The following CPNE2 variants were observed in gnomAD, a reference collection of about 807,000 sequenced individuals.
CPNE2 encodes the protein copine-2.
CPNE2 carries 42 observed loss-of-function variants against 69.7 expected under a neutral mutation model. That is an observed-to-expected ratio of 0.60 (90% CI 0.47 to 0.78). The LOEUF (loss-of-function observed/expected upper bound fraction) is 0.78. CPNE2 is among the 30% of genes least tolerant of loss of function. The pLI, the probability that CPNE2 is intolerant of heterozygous loss-of-function variation, is 0.00. For synonymous variants in CPNE2, 294 were observed against 289.8 expected (o/e 1.01, Z -0.15); for missense variants, 587 against 732.0 (o/e 0.80, Z 2.29).
rs916210289 is a variant in CPNE2, at chr16:57,146,625, A to C, written c.1539+304A>C. Reference sequence around the variant, plus strand: ...CTGCCCTCTAGTGGGGTCTGATGAGAGGCTGGGGCTATCCATGTGGTGTAA... The same window carrying C: ...CTGCCCTCTAGTGGGGTCTGATGAGCGGCTGGGGCTATCCATGTGGTGTAA... On this transcript the variant is annotated intron_variant, in intron 15 of 15. Transcript: ENST00000290776. This position sits in a 1 kb window ranked among gnomAD's most constrained non-coding sequence, Gnocchi z 4.4. The C allele has an allele frequency of 3.2e-5, 12 of 370,650 alleles. No homozygotes were observed. Among genetic ancestry groups the C allele is most frequent in the Admixed American group, 2.2e-4 (5 of 22,668 alleles). 23.0% of individuals were successfully genotyped at this position (370,650 alleles called of 1,614,324 possible).
chr16:57,111,835 G>A (rs567974159), intron 2 of CPNE2, among the ~76,000 whole-genome samples: 1 of 152,372 alleles, frequency 6.6e-6, no homozygotes, highest in South Asian at 2.1e-4. Flanking sequence ...GAGGAAGGAT[G>A]TTGAGAAACC....
At chr16:57,102,620 G>C (rs1411608190) in intron 1 of CPNE2, among the ~76,000 whole-genome samples, 1 of 128,330 alleles carries the variant, frequency 7.8e-6, no homozygotes, top group African/African-American at 2.9e-5. Context: ...TTTTTTTTTT[G>C]AGAGAGGGTC....
intron 2 of CPNE2, among the ~76,000 whole-genome samples, chr16:57,112,586 G>A (rs2069688614): frequency 6.6e-6 from 1 of 152,162 alleles, no homozygotes; most frequent in Non-Finnish European, 1.5e-5. Flanking sequence ...CAGACTCCGC[G>A]GTTTGGGGCC....
In CPNE2 at chr16:57,146,022, G is replaced by T; in HGVS notation, c.1303-63G>T. The T allele has an allele frequency of 7.3e-7, 1 of 1,373,232 alleles. No homozygotes were observed. The highest frequency in any genetic ancestry group is 1.2e-5 in the South Asian group (1 of 81,140). The allele number at this position is 1,373,232 out of a possible 1,614,324, so 85.1% of individuals were successfully genotyped here. A position where few individuals can be genotyped will look rare whatever the true frequency, so the allele number is the denominator to read the frequency against. On this transcript the variant is annotated intron_variant, in intron 14 of 15. Transcript: ENST00000290776. The surrounding 1 kb of genome is among the most constrained non-coding windows in gnomAD (Gnocchi z 4.4). ...ACTCGGAGGGTTTGGGATGAAGGAGGGAGGGAGAAGGGGTGCCAGAGCCTC... is the reference window on the plus strand; with the variant it reads ...ACTCGGAGGGTTTGGGATGAAGGAGTGAGGGAGAAGGGGTGCCAGAGCCTC...
chr16:57,132,901 C>T (rs989269083), intron 12 of CPNE2, among the ~76,000 whole-genome samples: 11 of 152,068 alleles, frequency 7.2e-5, no homozygotes, highest in South Asian at 2.1e-4. Context: ...CCCCCCTGAC[C>T]GCAAGGCTGG....
chr16:57,145,427 A>C (rs141196192), intron 14 of CPNE2, among the ~76,000 whole-genome samples: 215 of 152,324 alleles, frequency 1.4e-3, no homozygotes, highest in South Asian at 4.6e-3. Context: ...TGTGTTTGGG[A>C]TGTGACTCAA....
rs368073568 is a variant in CPNE2, at chr16:57,119,311, A to T, written c.591+33A>T. 1.6e-4 allele frequency: 252 copies of T among 1,593,978 alleles called. No individual in the cohort carries two copies. In the African/African-American group the frequency reaches 2.3e-3, roughly 14 times the overall value. On this transcript the variant is annotated intron_variant, in intron 6 of 15. Transcript: ENST00000290776. The stretch of plus-strand genomic sequence containing the variant: ...CGTGGGGGCCCAGGGATCTCTAAGC[A>T]GTGGGCCTGCAGTCCAGCCCCTCCA...
chr16:57,123,189 T>G, intron 9 of CPNE2: 1 of 572,852 alleles, frequency 1.7e-6, no homozygotes. Flanking sequence ...TGTGTCTGTG[T>G]ATCTGTGGGG....
intron 14 of CPNE2, among the ~76,000 whole-genome samples, chr16:57,140,523 C>G (rs1442110269): frequency 6.6e-6 from 1 of 151,634 alleles, no homozygotes; most frequent in Admixed American, 6.6e-5. Flanking sequence ...GCTGTGAGGA[C>G]CTGGGTGCAG....
At chr16:57,116,154 G>A (rs1235196105) in intron 4 of CPNE2, among the ~76,000 whole-genome samples, 1 of 152,120 alleles carries the variant, frequency 6.6e-6, no homozygotes, top group Non-Finnish European at 1.5e-5. Flanking sequence ...AACCTCACAT[G>A]GCTCCCCACT....
At chr16:57,113,550 C>T in intron 3 of CPNE2, 83 bp downstream of exon 3, 1 of 1,392,382 alleles carries the variant, frequency 7.2e-7, no homozygotes, top group Non-Finnish European at 9.7e-7. Flanking sequence ...CTGTCTTTCC[C>T]TAGCCCCATC....
chr16:57,096,157 G>T (rs1250933249), intron 1 of CPNE2, among the ~76,000 whole-genome samples: 1 of 152,214 alleles, frequency 6.6e-6, no homozygotes, highest in Non-Finnish European at 1.5e-5. Context: ...TTACGAGCTT[G>T]CCCTCTTGAG....
rs369038851 is a variant in CPNE2, at chr16:57,113,537, G to A, written c.360+70G>A. ...GCAACCCCTCAAAAAGTCTCTTCTC[G>A]TGCTGTCTTTCCCTAGCCCCATCTT... On this transcript the variant is annotated intron_variant, in intron 3 of 15. Coordinates refer to ENST00000290776, the MANE Select transcript of CPNE2 (RefSeq NM_152727.6). 1.1e-5 allele frequency: 17 copies of A among 1,487,136 alleles called. No individual in the cohort carries two copies. In the East Asian group the frequency reaches 1.7e-4, roughly 15 times the overall value. The allele number at this position is 1,487,136 out of a possible 1,614,324, so 92.1% of individuals were successfully genotyped here.
At chr16:57,093,075 T>C (rs955086426) in intron 1 of CPNE2, among the ~76,000 whole-genome samples, 3 of 151,790 alleles carry the variant, frequency 2.0e-5, no homozygotes, top group African/African-American at 4.8e-5. Context: ...CCCAGCTGCT[T>C]TGGGGACCCT....
At chr16:57,137,062 A>G in intron 13 of CPNE2, 87 bp from the exon 14 acceptor site, 7 of 1,545,044 alleles carry the variant, frequency 4.5e-6, no homozygotes, top group Non-Finnish European at 6.1e-6. Flanking sequence ...TTGGGTAAGC[A>G]TGAAATAGAT....
At position 57,106,201 on chromosome 16, in the gene CPNE2, C is replaced by A. The variant is rs1597491322; in HGVS notation, c.-35-4507C>A. 7 of 152,866 alleles carry A rather than the reference C, an allele frequency of 4.6e-5. No individual in the cohort carries two copies. In the South Asian group the frequency reaches 1.2e-3, roughly 27 times the overall value. The allele number at this position is 152,866 out of a possible 1,614,324, so 9.5% of individuals were successfully genotyped here. ...TGAGTTGGAGATGGGAGGACCTGCC[C>A]CTGGCTCGGGGAGGAGTTCCCTTCC... On this transcript the variant is annotated intron_variant, in intron 1 of 15. Coordinates refer to ENST00000290776, the MANE Select transcript of CPNE2 (RefSeq NM_152727.6).
chr16:57,096,048 T>A (rs1273666651), intron 1 of CPNE2, among the ~76,000 whole-genome samples: 2 of 152,244 alleles, frequency 1.3e-5, no homozygotes, highest in Admixed American at 6.5e-5. Context: ...ACATTGTAGG[T>A]GCTCAGTAAA....
intron 14 of CPNE2, among the ~76,000 whole-genome samples, chr16:57,138,744 C>A (rs1661279400): frequency 1.3e-5 from 2 of 152,214 alleles, no homozygotes; most frequent in South Asian, 2.1e-4. Context: ...TCTCTCCGTG[C>A]CTGGTCCAGT....
At chr16:57,125,447 G>T in intron 10 of CPNE2, 1 of 438,012 alleles carries the variant, frequency 2.3e-6, no homozygotes, top group South Asian at 1.6e-5. Context: ...TTGCAGTGGA[G>T]CAGTGGCATC....
Sources: gnomAD v4.1 joint callset for allele counts (sites outside exome capture counted in the v4.1 genomes callset) on GRCh38, gnomAD v4.1.1 for gene constraint, Gnocchi (gnomAD v3.1) non-coding constraint, MANE v1.5 for transcripts, NCBI Gene and HGNC (gene_info 2026-07-23, HGNC 2026-07-21) for gene names.